Variants in MACROD2 observed in about 807,000 individuals in gnomAD.
The protein encoded by MACROD2 is mono-ADP ribosylhydrolase 2, also known as ADP-ribose glycohydrolase MACROD2.
MACROD2 carries 36 observed loss-of-function variants against 70.4 expected under a neutral mutation model. That is an observed-to-expected ratio of 0.51 (90% CI 0.39 to 0.68). The LOEUF (loss-of-function observed/expected upper bound fraction) is 0.68, where lower values mean the gene tolerates loss of function less well. MACROD2 is among the 30% of genes least tolerant of loss of function. The probability of loss-of-function intolerance (pLI) is 0.00; values close to 1 mark genes in which losing one functional copy is unlikely to be tolerated. For missense variants in MACROD2, 496 were observed against 538.4 expected (o/e 0.92, Z 0.78); for synonymous variants, 172 against 178.8 (o/e 0.96, Z 0.30).
chr20:15,872,259 CA>C (rs2064596498), intron 9 of MACROD2, among the ~76,000 whole-genome samples: 1 of 152,082 alleles, frequency 6.6e-6, no homozygotes, highest in Non-Finnish European at 1.5e-5. Flanking sequence ...ATCAGTTTTC[CA>C]AGAATAATAA....
In MACROD2 at chr20:15,869,238, T is replaced by TAGAGAGAGAGAGAG. The variant is rs1555788820; in HGVS notation, c.727+6429_727+6442dup. Among the ~76,000 whole-genome samples, 99 of 28,284 alleles carry TAGAGAGAGAGAGAG rather than the reference T, an allele frequency of 3.5e-3. 6 individuals are homozygous for TAGAGAGAGAGAGAG. Among genetic ancestry groups the TAGAGAGAGAGAGAG allele is most frequent in the South Asian group, 0.022 (4 of 184 alleles). The allele number at this position is 28,284 out of a possible 152,430, so 18.6% of individuals were successfully genotyped here. On this transcript the variant is annotated intron_variant, in intron 9 of 17. Coordinates refer to ENST00000684519, the MANE Select transcript of MACROD2 (RefSeq NM_001351661.2). Reference sequence around the variant, plus strand: ...ATATATATATATATATATATATATATAGAGAGAGAGAGAGAGAGAGAGAGA... The same window carrying TAGAGAGAGAGAGAG: ...ATATATATATATATATATATATATATAGAGAGAGAGAGAGAGAGAGAGAGAGAGAGAGAGAGAGA...
At chr20:14,235,248 T>C (rs779896086) in intron 3 of MACROD2, among the ~76,000 whole-genome samples, 1 of 152,224 alleles carries the variant, frequency 6.6e-6, no homozygotes, top group Non-Finnish European at 1.5e-5. Context: ...AAAATTATAG[T>C]AGAAAATATT....
At chr20:14,386,222 A>G (rs1016894894) in intron 3 of MACROD2, among the ~76,000 whole-genome samples, 2 of 152,182 alleles carry the variant, frequency 1.3e-5, no homozygotes, top group African/African-American at 2.4e-5. Context: ...GGAAACTCTC[A>G]TCTGTCTGAC....
At chr20:15,769,723 C>G (rs1229413135) in intron 8 of MACROD2, among the ~76,000 whole-genome samples, 1 of 152,220 alleles carries the variant, frequency 6.6e-6, no homozygotes, top group East Asian at 1.9e-4. Flanking sequence ...TGGCACATGA[C>G]TATATATATC....
chr20:15,835,535 A>G (rs1453164127), intron 8 of MACROD2, among the ~76,000 whole-genome samples: 1 of 152,120 alleles, frequency 6.6e-6, no homozygotes, highest in Non-Finnish European at 1.5e-5. Flanking sequence ...AATGTAGTAA[A>G]TTAGTAATAA....
At chr20:14,069,257 A>G (rs896853969) in intron 2 of MACROD2, among the ~76,000 whole-genome samples, 3 of 152,184 alleles carry the variant, frequency 2.0e-5, no homozygotes, top group Non-Finnish European at 4.4e-5. Context: ...GTTAAAGTTC[A>G]TTTTAAATTT....
Position 14,206,229 on chromosome 20 carries a change from G to A in MACROD2, c.271+120501G>A, listed in dbSNP as rs193138028. Reference sequence around the variant, plus strand: ...TCCAGTCTAAAATGTCAGTCATACCGCAGTTTAGAAATTCTGATCTAGATC... The same window carrying A: ...TCCAGTCTAAAATGTCAGTCATACCACAGTTTAGAAATTCTGATCTAGATC... On this transcript the variant is annotated intron_variant, in intron 3 of 17. Coordinates refer to ENST00000684519, the MANE Select transcript of MACROD2 (RefSeq NM_001351661.2). Among the ~76,000 whole-genome samples the A allele has an allele frequency of 1.3e-3, 204 of 152,302 alleles. 1 individual carries two copies. The highest frequency in any genetic ancestry group is 4.4e-3 in the Admixed American group (67 of 15,304).
chr20:15,063,534 C>T (rs530642075), intron 5 of MACROD2, among the ~76,000 whole-genome samples: 36 of 152,260 alleles, frequency 2.4e-4, no homozygotes, highest in South Asian at 1.2e-3. Context: ...TTTTAAATGA[C>T]GTTCCTCTGG....
intron 5 of MACROD2, among the ~76,000 whole-genome samples, chr20:14,938,658 G>A (rs2074362355): frequency 1.3e-5 from 2 of 152,088 alleles, no homozygotes; most frequent in Non-Finnish European, 2.9e-5. Context: ...GCAGGTGCCT[G>A]TAATCCCAGC....
At position 14,818,219 on chromosome 20, in the gene MACROD2, G is replaced by A. The variant is rs993210889; in HGVS notation, c.418+133260G>A. Among the ~76,000 whole-genome samples the A allele has an allele frequency of 6.6e-5, 10 of 152,074 alleles. 1 individual carries two copies. Among genetic ancestry groups the A allele is most frequent in the African/African-American group, 7.2e-5 (3 of 41,418 alleles). On this transcript the variant is annotated intron_variant, in intron 5 of 17. Coordinates refer to ENST00000684519, the MANE Select transcript of MACROD2 (RefSeq NM_001351661.2). ...TGACACACCACCATCATTGAGGTCC[G>A]CACAGTCAGGGTAATGGGCAGAGGC...
chr20:14,930,832 A>AT (rs1030506222), intron 5 of MACROD2, among the ~76,000 whole-genome samples: 25 of 128,100 alleles, frequency 2.0e-4, no homozygotes, highest in Middle Eastern at 5.2e-3. Context: ...TTTTTAAGTA[A>AT]TTTTTTTTTA....
chr20:14,376,950 C>T (rs1000202033), intron 3 of MACROD2, among the ~76,000 whole-genome samples: 1 of 151,918 alleles, frequency 6.6e-6, no homozygotes, highest in Admixed American at 6.6e-5. Context: ...TGAAAGATTT[C>T]TTGTGAGGAT....
chr20:15,448,375 T>A (rs1409418828), intron 7 of MACROD2, among the ~76,000 whole-genome samples: 2 of 152,164 alleles, frequency 1.3e-5, no homozygotes, highest in Non-Finnish European at 2.9e-5. Context: ...ATGCTTGCCC[T>A]GGCGTCCCTG....
At chr20:15,282,274 G>A (rs182227721) in intron 6 of MACROD2, among the ~76,000 whole-genome samples, 70 of 152,290 alleles carry the variant, frequency 4.6e-4, no homozygotes, top group Non-Finnish European at 5.4e-4. Flanking sequence ...TTGGCTCCTC[G>A]TTACTTATGC....
intron 12 of MACROD2, among the ~76,000 whole-genome samples, chr20:15,953,263 T>TAACTA: frequency 6.6e-6 from 1 of 152,202 alleles, no homozygotes; most frequent in Non-Finnish European, 1.5e-5. Context: ...TACAAAATTA[T>TAACTA]AACTAGATCG....
intron 3 of MACROD2, among the ~76,000 whole-genome samples, chr20:14,257,156 A>T (rs900156725): frequency 6.6e-6 from 1 of 152,244 alleles, no homozygotes; most frequent in African/African-American, 2.4e-5. Context: ...AGGTACATTC[A>T]GATGCAAGAG....
At chr20:15,286,552 AAAGAT>A (rs1210517927) in intron 6 of MACROD2, among the ~76,000 whole-genome samples, 1 of 150,302 alleles carries the variant, frequency 6.7e-6, no homozygotes, top group African/African-American at 2.4e-5. Flanking sequence ...ACAAAGGGAT[AAAGAT>A]AAGATATGTT....
At chr20:15,872,347 C>G (rs982864286) in intron 9 of MACROD2, among the ~76,000 whole-genome samples, 1 of 152,088 alleles carries the variant, frequency 6.6e-6, no homozygotes, top group Non-Finnish European at 1.5e-5. Flanking sequence ...AAGATAGAAG[C>G]TTGAAGAAGG....
intron 8 of MACROD2, among the ~76,000 whole-genome samples, chr20:15,572,508 C>G (rs1249544983): frequency 6.6e-6 from 1 of 152,108 alleles, no homozygotes; most frequent in Non-Finnish European, 1.5e-5. Context: ...TTTATTCACT[C>G]TGATAAGAAC....
Sources: allele counts gnomAD v4.1 joint callset (sites outside exome capture counted in the v4.1 genomes callset), GRCh38; gene constraint gnomAD v4.1.1; transcripts MANE v1.5; gene names NCBI Gene and HGNC (gene_info 2026-07-23, HGNC 2026-07-21).